The following GARNL3 variants were observed in gnomAD, a reference collection of about 807,000 sequenced individuals.
The protein encoded by GARNL3 is GTPase activating Rap/RanGAP domain like 3.
In GARNL3, 63 loss-of-function variants were observed where a neutral mutation model predicts 125.0. That is an observed-to-expected ratio of 0.50 (90% CI 0.41 to 0.62). GARNL3 has a LOEUF of 0.62. GARNL3 is among the 20% of genes least tolerant of loss of function. GARNL3 has a pLI of 0.00. For missense variants in GARNL3, 994 were observed against 1,244.0 expected, an observed-to-expected ratio of 0.80 and a Z score of 3.02; for synonymous variants, 439 against 457.5, an observed-to-expected ratio of 0.96 and a Z score of 0.52.
chr9:127,339,505 C>T (rs972452108), intron 12 of GARNL3, 140 bp from the exon 13 acceptor site: 4 of 640,988 alleles, frequency 6.2e-6, no homozygotes, highest in South Asian at 1.8e-5. Flanking sequence ...GACTGGCCCC[C>T]ATGATTCAGT....
At chr9:127,256,180 GA>G (rs1353300899) in intron 2 of GARNL3, among the ~76,000 whole-genome samples, 2 of 152,190 alleles carry the variant, frequency 1.3e-5, no homozygotes, top group African/African-American at 2.4e-5. Context: ...CTCTGGGCTG[GA>G]AAACCCTCAA....
upstream of GARNL3, chr9:127,263,901 TTC>T (rs1324863552): frequency 1.2e-5 from 17 of 1,449,298 alleles, no homozygotes; most frequent in Non-Finnish European, 1.5e-5. Flanking sequence ...AGAGAGTCAG[TTC>T]TCTGGTTGCT....
chr9:127,280,050 G>T lies in GARNL3; in HGVS notation c.145-11118G>T, dbSNP rs954160455. The stretch of plus-strand genomic sequence containing the variant: ...CGGCTCTAGAATTTATACATAACAG[G>T]GGCTTAGGAACTACCAGTAGCAGTC... On this transcript the variant is annotated intron_variant, in intron 1 of 27. Transcript: ENST00000373387. This position sits in a 1 kb window ranked among gnomAD's most constrained non-coding sequence, Gnocchi z 4.5. Among the ~76,000 whole-genome samples the T allele has an allele frequency of 6.6e-6, 1 of 152,104 alleles. No individual in the cohort carries two copies. The highest frequency in any genetic ancestry group is 1.5e-5 in the Non-Finnish European group (1 of 68,018).
chr9:127,387,491 C>A (rs904407058), intron 25 of GARNL3, among the ~76,000 whole-genome samples, 160 bp downstream of exon 25: 3 of 152,064 alleles, frequency 2.0e-5, no homozygotes, highest in African/African-American at 7.2e-5. Flanking sequence ...CCCTATAATC[C>A]CAGCACTTTG....
In GARNL3 at chr9:127,345,301, G is replaced by A. The variant is rs113557730; in HGVS notation, c.1357-102G>A. On this transcript the variant is annotated intron_variant, in intron 15 of 27. Transcript: ENST00000373387. ...GTAGAGGAACCCGAAATGTTAGCCT[G>A]CAATTACTCCTGTTTTATTAAATTT... 47 of 620,774 alleles carry A rather than the reference G, an allele frequency of 7.6e-5. No homozygotes were observed. In the Middle Eastern group the frequency reaches 7.8e-4, roughly 10 times the overall value. 38.5% of individuals were successfully genotyped at this position (620,774 alleles called of 1,614,324 possible). A position where few individuals can be genotyped will look rare whatever the true frequency, so the allele number is the denominator to read the frequency against.
At chr9:127,259,293 A>T (rs16929720), upstream of GARNL3, among the ~76,000 whole-genome samples, 8 of 152,108 alleles carry the variant, frequency 5.3e-5, no homozygotes, top group African/African-American at 1.7e-4. Context: ...GAGATTTAAC[A>T]TGGAGGTCCT....
chr9:127,242,965 CCCT>C lies in GARNL3; in HGVS notation c.-28-107_-28-105del, dbSNP rs1215259721. 15 of 924,982 alleles carry C rather than the reference CCCT, an allele frequency of 1.6e-5. No homozygotes were observed. Among genetic ancestry groups the C allele is most frequent in the Non-Finnish European group, 2.2e-5 (15 of 689,232 alleles). The allele number at this position is 924,982 out of a possible 1,614,324, so 57.3% of individuals were successfully genotyped here. On this transcript the variant is annotated intron_variant, in intron 1 of 10. Transcript: ENST00000439286. This position sits in a 1 kb window ranked among gnomAD's most constrained non-coding sequence, Gnocchi z 4.6. ...GGGTCTTGAGGGTGCTTCAGTGTCACCCTCCTCCTTGCTTACCAGCGGGGCTGC... is the reference window on the plus strand; with the variant it reads ...GGGTCTTGAGGGTGCTTCAGTGTCACCCTCCTTGCTTACCAGCGGGGCTGC...
intron 1 of GARNL3, among the ~76,000 whole-genome samples, chr9:127,267,060 C>T (rs967409657): frequency 6.6e-5 from 10 of 152,096 alleles, no homozygotes; most frequent in Non-Finnish European, 1.3e-4. Flanking sequence ...CTAACAAGTT[C>T]CCAGATTGAT....
intron 1 of GARNL3, among the ~76,000 whole-genome samples, chr9:127,281,561 G>A (rs1319462976): frequency 1.3e-5 from 2 of 152,132 alleles, no homozygotes; most frequent in Non-Finnish European, 1.5e-5. Context: ...CCCGGCACAG[G>A]CAGAATAGGA....
intron 22 of GARNL3, among the ~76,000 whole-genome samples, chr9:127,375,638 C>T (rs1197505821): frequency 6.6e-6 from 1 of 152,156 alleles, no homozygotes; most frequent in Non-Finnish European, 1.5e-5. Flanking sequence ...GATACTTCTT[C>T]CCTCAAGAGG....
chr9:127,387,311 T>C lies in GARNL3; in HGVS notation c.2507T>C (p.Phe836Ser), dbSNP rs751743286. ...CCCCCGGGCCGAGATACTCCAGTAT[T>C]TCCTTCTTCCCTGGGGGAAGGTGAA... ...QTPPGRDTPVFPSSLGEGEIQ... is the reference protein window; with the variant it reads ...QTPPGRDTPVSPSSLGEGEIQ... Residue 836 changes from phenylalanine to serine, a missense_variant, in exon 25 of 28, where the codon TTT becomes TCT. Coordinates refer to ENST00000373387, the MANE Select transcript of GARNL3 (RefSeq NM_032293.5). The C allele has an allele frequency of 3.1e-6, 5 of 1,613,266 alleles. No homozygotes were observed. The Admixed American group carries it at 8.4e-5, about 27-fold the overall frequency.
At chr9:127,325,180 T>G in intron 7 of GARNL3, 85 bp downstream of exon 7, 1 of 1,332,020 alleles carries the variant, frequency 7.5e-7, no homozygotes, top group Non-Finnish European at 1.1e-6. Flanking sequence ...ACCCAGCCTT[T>G]GCTTTCAGCC....
chr9:127,382,784 T>C (rs750877081), intron 22 of GARNL3, among the ~76,000 whole-genome samples: 24 of 152,164 alleles, frequency 1.6e-4, no homozygotes, highest in Admixed American at 7.2e-4. Flanking sequence ...CTTGTGTTAA[T>C]CTAATACTGG....
chr9:127,299,787 G>A (rs952310306), intron 2 of GARNL3, among the ~76,000 whole-genome samples: 12 of 152,046 alleles, frequency 7.9e-5, no homozygotes, highest in Non-Finnish European at 1.2e-4. Flanking sequence ...GAATGGTCTC[G>A]ATCTCCTGAC....
At chr9:127,293,577 C>A (rs2064493185) in intron 2 of GARNL3, among the ~76,000 whole-genome samples, 1 of 151,782 alleles carries the variant, frequency 6.6e-6, no homozygotes, top group South Asian at 2.1e-4. Context: ...TTTACTGTTC[C>A]CTTGAGATAA....
At chr9:127,255,833 A>G (rs956800273) in intron 2 of GARNL3, among the ~76,000 whole-genome samples, 1 of 152,206 alleles carries the variant, frequency 6.6e-6, no homozygotes, top group African/African-American at 2.4e-5. Context: ...AAAAGACCAC[A>G]CTGAGCAGCA....
chr9:127,282,367 G>A (rs567665500), intron 1 of GARNL3, among the ~76,000 whole-genome samples: 25 of 152,068 alleles, frequency 1.6e-4, no homozygotes, highest in East Asian at 3.8e-4. Context: ...CATTTATTGA[G>A]CACTTATTAT....
At chr9:127,376,463 C>T (rs1172333554) in intron 22 of GARNL3, among the ~76,000 whole-genome samples, 1 of 152,140 alleles carries the variant, frequency 6.6e-6, no homozygotes, top group Non-Finnish European at 1.5e-5. Flanking sequence ...AGTGATCCGC[C>T]CGCCTCGGCC....
upstream of GARNL3, among the ~76,000 whole-genome samples, chr9:127,259,697 C>A (rs1210924139): frequency 6.6e-6 from 1 of 151,820 alleles, no homozygotes; most frequent in Non-Finnish European, 1.5e-5. Flanking sequence ...TCATTTATGC[C>A]AACTTTCCAG....
Sources: allele counts gnomAD v4.1 joint callset (sites outside exome capture counted in the v4.1 genomes callset), GRCh38; gene constraint gnomAD v4.1.1; non-coding constraint Gnocchi (gnomAD v3.1); transcripts MANE v1.5; gene names NCBI Gene and HGNC (gene_info 2026-07-23, HGNC 2026-07-21).